DICER1: variants seen among roughly 807,000 people sequenced by gnomAD.
DICER1 encodes the protein dicer 1, ribonuclease III, also known as endoribonuclease Dicer.
A neutral mutation model predicts 194.1 loss-of-function variants in DICER1; 43 were observed. The observed-to-expected ratio is 0.22, with a 90% CI of 0.17 to 0.29. The LOEUF (loss-of-function observed/expected upper bound fraction) is 0.29, where lower values mean the gene tolerates loss of function less well. Among genes scored for constraint, DICER1 ranks in the 10% least tolerant of loss-of-function variants. The pLI, the probability that DICER1 is intolerant of heterozygous loss-of-function variation, is 1.00. For synonymous variants in DICER1, 832 were observed against 820.5 expected, an observed-to-expected ratio of 1.01 and a Z score of -0.24; for missense variants, 1,608 against 2,317.0, an observed-to-expected ratio of 0.69 and a Z score of 6.28.
intron 1 of DICER1, among the ~76,000 whole-genome samples, chr14:95,150,618 C>G (rs546120146): frequency 1.3e-5 from 2 of 152,286 alleles, no homozygotes; most frequent in South Asian, 4.1e-4. Flanking sequence ...GTGATTGAAG[C>G]AAGGATCATT....
In DICER1 at chr14:95,087,244, T is replaced by C. The variant is rs1439212536; in HGVS notation, c.*3254A>G. 1 of 233,200 alleles carries C rather than the reference T, an allele frequency of 4.3e-6. No homozygotes were observed. 14.4% of individuals were successfully genotyped at this position (233,200 alleles called of 1,614,324 possible). A position where few individuals can be genotyped will look rare whatever the true frequency, so the allele number is the denominator to read the frequency against. On this transcript the variant is annotated 3_prime_UTR_variant, in exon 27 of 27. Coordinates refer to ENST00000343455, the MANE Select transcript of DICER1 (RefSeq NM_177438.3). Reference sequence around the variant, plus strand: ...TCAGAATCTTTCTGAGGGCAAAGTATTATTAACAAATAAAAATATCAGTAT... The same window carrying C: ...TCAGAATCTTTCTGAGGGCAAAGTACTATTAACAAATAAAAATATCAGTAT...
rs144691459 is a variant in DICER1, at chr14:95,157,070, G to C, written c.-46+160C>G. ...CACAGGCCGCGCTGTGCGGGACGAC[G>C]AGGCAGGCGAGGCCGCGCCCTTCGT... is the stretch of plus-strand genomic sequence containing the variant. On this transcript the variant is annotated intron_variant, in intron 1 of 26. Coordinates refer to ENST00000343455, the MANE Select transcript of DICER1 (RefSeq NM_177438.3). 1.4e-4 allele frequency among the ~76,000 whole-genome samples: 21 copies of C among 151,498 alleles called. 1 individual carries two copies. In the East Asian group the frequency reaches 3.9e-3, roughly 28 times the overall value.
At chr14:95,147,299 C>G (rs1895200975) in intron 1 of DICER1, among the ~76,000 whole-genome samples, 1 of 152,128 alleles carries the variant, frequency 6.6e-6, no homozygotes, top group South Asian at 2.1e-4. Flanking sequence ...AACCCCATCT[C>G]TACTAAAAAT....
chr14:95,114,832 G>GTC (rs1892295005), intron 11 of DICER1, among the ~76,000 whole-genome samples: 1 of 152,096 alleles, frequency 6.6e-6, no homozygotes, highest in East Asian at 1.9e-4. Context: ...TGTAACCTGG[G>GTC]TCTCATCATA....
In DICER1 at chr14:95,107,539, C is replaced by T. The variant is rs890333120; in HGVS notation, c.2804+69G>A. 1.2e-4 allele frequency: 188 copies of T among 1,543,140 alleles called. 1 individual carries two copies. The highest frequency in any genetic ancestry group is 2.9e-4 in the South Asian group (26 of 89,272). Reference sequence around the variant, plus strand: ...TGCTGGGACTGCAGGCGTGAGCCACCGTGCCCGACCTAGTGCATCTTTTAA... The same window carrying T: ...TGCTGGGACTGCAGGCGTGAGCCACTGTGCCCGACCTAGTGCATCTTTTAA... On this transcript the variant is annotated intron_variant, in intron 17 of 26. Coordinates refer to ENST00000343455, the MANE Select transcript of DICER1 (RefSeq NM_177438.3).
In DICER1 at chr14:95,126,587, G is replaced by A. The variant is rs755944755; in HGVS notation, c.896C>T (p.Ser299Leu). Residue 299 changes from serine to leucine, a missense_variant, in exon 7 of 27, where the codon TCG becomes TTG. This residue lies in a region of DICER1 where 657 missense variants were observed against 910.1 expected (regional missense o/e 0.72). Transcript: ENST00000343455. ...TACTTGGTATATGCTTACCTGTTTC[G>A]AAATTAAAGTAGAATCTCTTTCTTT... ...HSKERDSTLI[S>L]KQILSDCRAV... 23 of 1,515,090 alleles carry A rather than the reference G, an allele frequency of 1.5e-5. No individual in the cohort carries two copies. Among genetic ancestry groups the A allele is most frequent in the South Asian group, 3.4e-5 (3 of 88,770 alleles). The allele number at this position is 1,515,090 out of a possible 1,614,324, so 93.9% of individuals were successfully genotyped here.
intron 17 of DICER1, among the ~76,000 whole-genome samples, chr14:95,107,161 C>T (rs550774424): frequency 5.3e-5 from 8 of 152,186 alleles, no homozygotes; most frequent in East Asian, 1.9e-4. Flanking sequence ...GATTACAGCA[C>T]GCATCACCAT....
rs1889352445 is a variant in DICER1, at chr14:95,086,542, C to T, written c.*3956G>A. On this transcript the variant is annotated 3_prime_UTR_variant, in exon 27 of 27. Transcript: ENST00000343455. ...ATGTAACCTGCTGCTGCAGTGAATT[C>T]TTAGTGCATCTATAAAATTTAAATT... 4.3e-6 allele frequency: 1 copy of T among 233,280 alleles called. No individual in the cohort carries two copies. Among genetic ancestry groups the T allele is most frequent in the Middle Eastern group, 1.3e-3 (1 of 780 alleles). The allele number at this position is 233,280 out of a possible 1,614,324, so 14.5% of individuals were successfully genotyped here.
At chr14:95,145,148 C>A (rs775818420) in intron 1 of DICER1, among the ~76,000 whole-genome samples, 1 of 152,120 alleles carries the variant, frequency 6.6e-6, no homozygotes, top group Non-Finnish European at 1.5e-5. Flanking sequence ...TGCCCCTGTG[C>A]GTGCAAAAAT....
chr14:95,116,599 G>C lies in DICER1; in HGVS notation c.1606C>G (p.Arg536Gly), dbSNP rs1007754435. The C allele has an allele frequency of 6.2e-7, 1 of 1,613,454 alleles. No homozygotes were observed. Among genetic ancestry groups the C allele is most frequent in the Non-Finnish European group, 8.5e-7 (1 of 1,179,854 alleles). Residue 536 changes from arginine (R) to glycine (G), a missense_variant, in exon 10 of 27, where the codon CGT (arginine) becomes GGT (glycine). Arg to Gly is a moderately radical substitution (Grantham distance 125). Transcript: ENST00000343455. The part of the protein sequence containing the change: ...VDIPKCNLVV[R>G]FDLPTEYRSY... ...CGATATTCTGTGGGCAAATCAAAAC[G>C]AACCACCAAGTTGCATTTTGGTATA...
chr14:95,094,267 T>G, intron 23 of DICER1, 111 bp from the exon 24 acceptor site: 2 of 1,365,442 alleles, frequency 1.5e-6, no homozygotes, highest in Non-Finnish European at 1.0e-6. Flanking sequence ...ATCATTTTCA[T>G]ACATATATTC....
chr14:95,141,778 G>A (rs1013999293), intron 1 of DICER1: 1 of 152,190 alleles, frequency 6.6e-6, no homozygotes, highest in Admixed American at 6.5e-5. Context: ...AATTTTAGAA[G>A]AGACAACTCA....
intron 4 of DICER1, 95 bp from the exon 5 acceptor site, chr14:95,130,287 A>G: frequency 1.6e-6 from 2 of 1,219,424 alleles, no homozygotes; most frequent in Non-Finnish European, 2.4e-6. Context: ...ATCATAAGTG[A>G]GGATTAAGGA....
In DICER1 at chr14:95,090,561, A is replaced by G. The variant is rs1555365987; in HGVS notation, c.5706T>C (p.Ser1902=). Residue 1902 remains serine (S), a synonymous_variant, in exon 27 of 27, where the codon TCT becomes TCC. Coordinates refer to ENST00000343455, the MANE Select transcript of DICER1 (RefSeq NM_177438.3). ...GVGRSYRIAK[S]AAARRALRSL... is the part of the protein sequence containing the mutation. ...TTCGGAGGGCTCTTCTTGCTGCTGC[A>G]GATTTGGCAATCCTGTAACTTCGAC... 1.2e-6 allele frequency: 2 copies of G among 1,614,194 alleles called. No individual in the cohort carries two copies. The highest frequency in any genetic ancestry group is 1.7e-6 in the Non-Finnish European group (2 of 1,180,034).
In DICER1 at chr14:95,130,185, A is replaced by G. The variant is rs549001286; in HGVS notation, c.446T>C (p.Ile149Thr). The change falls in exon 5 of 27, where the codon ATT becomes ACT. Residue 149 changes from isoleucine to threonine, a missense_variant. Physicochemically the swap from Ile to Thr is moderately conservative, Grantham distance 89. Transcript: ENST00000343455. Reference sequence around the variant, plus strand: ...ATTCAAGGCGACATAGCAAGTCATAATGAGAACCTAAAATAAAATCAACAT... The same window carrying G: ...ATTCAAGGCGACATAGCAAGTCATAGTGAGAACCTAAAATAAAATCAACAT... ...NQEFTKHQVL[I>T]MTCYVALNVL... 1 of 1,612,592 alleles carries G rather than the reference A, an allele frequency of 6.2e-7. No homozygotes were observed. The highest frequency in any genetic ancestry group is 2.2e-5 in the East Asian group (1 of 44,766).
At chr14:95,104,958 T>C (rs1891276390) in intron 20 of DICER1, 113 bp downstream of exon 20, 8 of 1,079,642 alleles carry the variant, frequency 7.4e-6, no homozygotes, top group Non-Finnish European at 1.1e-5. Flanking sequence ...ATATCCATTA[T>C]TTTCTTTTTA....
intron 1 of DICER1, among the ~76,000 whole-genome samples, chr14:95,141,370 G>C (rs1894818248): frequency 6.6e-6 from 1 of 152,176 alleles, no homozygotes; most frequent in Non-Finnish European, 1.5e-5. Flanking sequence ...CTCTCTAAAA[G>C]AGATTATAAA....
chr14:95,110,859 G>C (rs1319202141), intron 14 of DICER1, among the ~76,000 whole-genome samples: 1 of 152,102 alleles, frequency 6.6e-6, no homozygotes, highest in Admixed American at 6.5e-5. Flanking sequence ...CTGGGAATCT[G>C]ACATAACTCC....
At chr14:95,156,784 G>C (rs537877919) in intron 1 of DICER1, among the ~76,000 whole-genome samples, 1 of 152,240 alleles carries the variant, frequency 6.6e-6, no homozygotes, top group South Asian at 2.1e-4. Context: ...CTCCGGGCGC[G>C]GCACAGCGGC....
Sources: gnomAD v4.1 joint callset for allele counts (sites outside exome capture counted in the v4.1 genomes callset) on GRCh38, gnomAD v4.1.1 for gene constraint, gnomAD v4.1.1 regional missense constraint, MANE v1.5 for transcripts, NCBI Gene and HGNC (gene_info 2026-07-23, HGNC 2026-07-21) for gene names.